Variants in TTLL10 observed in about 807,000 individuals in gnomAD.
TTLL10 encodes inactive polyglycylase TTLL10.
TTLL10 carries 61 observed loss-of-function variants against 69.0 expected under a neutral mutation model. That is an observed-to-expected ratio of 0.88 (90% CI 0.72 to 1.09). The LOEUF is 1.09. Ranked by LOEUF, TTLL10 falls within the 50% of genes least tolerant of loss-of-function variation. TTLL10 has a pLI of 0.00. For synonymous variants in TTLL10, 408 were observed against 393.3 expected, an observed-to-expected ratio of 1.04 and a Z score of -0.44; for missense variants, 962 against 945.9, an observed-to-expected ratio of 1.02 and a Z score of -0.22.
intron 13 of TTLL10, among the ~76,000 whole-genome samples, chr1:1,188,208 A>C (rs1647485414): frequency 6.6e-6 from 1 of 152,144 alleles, no homozygotes; most frequent in Non-Finnish European, 1.5e-5. Context: ...ATTAGTGTAT[A>C]TGTCTGTCTT....
Position 1,197,844 on chromosome 1 carries a change from C to T in TTLL10, c.2019C>T (p.Pro673=). 3 of 1,476,572 alleles carry T rather than the reference C, an allele frequency of 2.0e-6. No individual in the cohort carries two copies. Among genetic ancestry groups the T allele is most frequent in the Non-Finnish European group, 2.7e-6 (3 of 1,112,296 alleles). The allele number at this position is 1,476,572 out of a possible 1,614,324, so 91.5% of individuals were successfully genotyped here. The change falls in exon 16 of 16, where the codon CCC becomes CCT. Residue 673 remains proline (P), a synonymous_variant. Coordinates refer to ENST00000379289, the MANE Select transcript of TTLL10 (RefSeq NM_001130045.2). ...GCGAGGAGCCTGAGAACGCGAGGCC[C>T]TAGGGGCAGCCACCCGCGCCCAGCG... The part of the protein sequence containing the change: ...EEREEPENAR[P]
intron 13 of TTLL10, among the ~76,000 whole-genome samples, chr1:1,195,408 T>C (rs1038592656): frequency 6.6e-6 from 1 of 152,146 alleles, no homozygotes. Flanking sequence ...TTTGTTCTAC[T>C]TTTCAACTTC....
intron 13 of TTLL10, among the ~76,000 whole-genome samples, chr1:1,186,040 T>TAA (rs1454276740): frequency 6.6e-6 from 1 of 152,084 alleles, no homozygotes; most frequent in East Asian, 1.9e-4. Context: ...TCCTTTCTCT[T>TAA]ACCGTGGTGT....
rs760199055 is a variant in TTLL10 at position 1,184,005 on chromosome 1, ATCT to A, written c.1179_1181del (p.Phe394del). 8 of 1,614,052 alleles carry A rather than the reference ATCT, an allele frequency of 5.0e-6. No homozygotes were observed. Among genetic ancestry groups the A allele is most frequent in the South Asian group, 1.1e-5 (1 of 91,080 alleles). ...CATTGCCTGCACCACACCCTACATG[ATCT>A]TCTTTGGCCACGGCTATGCTCGCCT... On this transcript the variant is annotated inframe_deletion, in exon 12 of 16. Coordinates refer to ENST00000379289, the MANE Select transcript of TTLL10 (RefSeq NM_001130045.2).
chr1:1,197,054 G>A, intron 14 of TTLL10, 39 bp from the exon 15 acceptor site: 1 of 1,543,894 alleles, frequency 6.5e-7, no homozygotes, highest in Non-Finnish European at 8.8e-7. Context: ...TGGCCCAGTG[G>A]GCTCGGGGTG....
In TTLL10 at chr1:1,179,754, G is replaced by A. The variant is rs1461321220; in HGVS notation, c.199+17G>A. On this transcript the variant is annotated intron_variant, in intron 5 of 15. Coordinates refer to ENST00000379289, the MANE Select transcript of TTLL10 (RefSeq NM_001130045.2). ...GCCCTGTTGGTGAGGAGGGTCGGAG[G>A]GGCGACCTCCCTGCCCCCTGCTCCA... The A allele has an allele frequency of 6.5e-7, 1 of 1,541,730 alleles. No homozygotes were observed.
intron 13 of TTLL10, among the ~76,000 whole-genome samples, chr1:1,188,846 T>G (rs1647539050): frequency 6.6e-6 from 1 of 152,272 alleles, no homozygotes; most frequent in Non-Finnish European, 1.5e-5. Flanking sequence ...CAGCAATGTT[T>G]TCTAGTTTTC....
rs1646967050 is a variant in TTLL10 at position 1,179,287 on chromosome 1, G to A, written c.72G>A (p.Arg24=). The A allele has an allele frequency of 3.2e-6, 5 of 1,551,314 alleles. No homozygotes were observed. The highest frequency in any genetic ancestry group is 1.2e-5 in the South Asian group (1 of 84,062). Residue 24 remains arginine (R), a synonymous_variant, in exon 4 of 16, where the codon AGG becomes AGA. Transcript: ENST00000379289. ...CTCGGACCCGAGCCGGCTTCAAGAG[G>A]GGCAAGAGGCCAAGGATCCAGCAGA... The part of the protein sequence containing the change: ...PPTRTRAGFK[R]GKRPRIQQRP...
At chr1:1,195,966 G>A (rs960613818) in intron 13 of TTLL10, among the ~76,000 whole-genome samples, 31 of 147,854 alleles carry the variant, frequency 2.1e-4, no homozygotes, top group Non-Finnish European at 4.5e-5. Context: ...AGTAGAGATG[G>A]GGTCTCACCA....
Position 1,182,371 on chromosome 1 carries a change from A to G in TTLL10, c.841A>G (p.Met281Val), listed in dbSNP as rs981660008. ...GYLRPQRVLR[M>V]EEFFPETYRL... ...CTCCCTGCCCTGCAGGGTCCTGAGA[A>G]TGGAAGAGTTTTTCCCAGAGACCTA... The change falls in exon 10 of 16, where the codon ATG becomes GTG. Residue 281 changes from methionine to valine, a missense_variant. Transcript: ENST00000379289. 5 of 1,613,478 alleles carry G rather than the reference A, an allele frequency of 3.1e-6. No individual in the cohort carries two copies. The highest frequency in any genetic ancestry group is 3.4e-6 in the Non-Finnish European group (4 of 1,179,774).
At chr1:1,179,465 C>A in intron 4 of TTLL10, 132 bp downstream of exon 4, 1 of 1,243,648 alleles carries the variant, frequency 8.0e-7, no homozygotes, top group Non-Finnish European at 1.1e-6. Context: ...CCATGCCCCG[C>A]TGCTCCGAGA....
In TTLL10 at chr1:1,179,682, C is replaced by G. The variant is rs1052560726; in HGVS notation, c.144C>G (p.His48Gln). 6.4e-7 allele frequency: 1 copy of G among 1,550,900 alleles called. No homozygotes were observed. Among genetic ancestry groups the G allele is most frequent in the Non-Finnish European group, 8.7e-7 (1 of 1,146,862 alleles). The change falls in exon 5 of 16, where the codon CAC becomes CAG. Residue 48 changes from histidine to glutamine, a missense_variant. By Grantham distance (24) the His-to-Gln change is conservative (BLOSUM62 0). Coordinates refer to ENST00000379289, the MANE Select transcript of TTLL10 (RefSeq NM_001130045.2). ...VSGTIPASRL[H>Q]PAPASQPGPC... ...GGACCATCCCTGCGTCACGTCTGCACCCAGCACCGGCCTCACAGCCCGGCC... is the reference window on the plus strand; with the variant it reads ...GGACCATCCCTGCGTCACGTCTGCAGCCAGCACCGGCCTCACAGCCCGGCC...
chr1:1,179,227 C>G lies in TTLL10; in HGVS notation c.12C>G (p.Ser4Arg). The change falls in exon 4 of 16, where the codon AGC becomes AGG. Residue 4 changes from serine to arginine, a missense_variant. By Grantham distance (110) the Ser-to-Arg change is moderately radical (BLOSUM62 -1). Coordinates refer to ENST00000379289, the MANE Select transcript of TTLL10 (RefSeq NM_001130045.2). MDH[S>R]CTRFIHRRGP... Reference sequence around the variant, plus strand: ...GCACCCCCCGGCCAATGGACCACAGCTGCACCCGGTTCATCCACCGCCGGG... The same window carrying G: ...GCACCCCCCGGCCAATGGACCACAGGTGCACCCGGTTCATCCACCGCCGGG... The G allele has an allele frequency of 1.9e-6, 3 of 1,546,608 alleles. No homozygotes were observed. Among genetic ancestry groups the G allele is most frequent in the Non-Finnish European group, 2.6e-6 (3 of 1,144,626 alleles).
At chr1:1,194,550 A>C (rs1192385031) in intron 13 of TTLL10, among the ~76,000 whole-genome samples, 2 of 152,134 alleles carry the variant, frequency 1.3e-5, no homozygotes, top group Non-Finnish European at 2.9e-5. Flanking sequence ...GGAATGTCTT[A>C]ATCTCCCCTT....
intron 3 of TTLL10, among the ~76,000 whole-genome samples, chr1:1,177,463 C>T (rs772060323): frequency 1.3e-4 from 20 of 152,236 alleles, no homozygotes; most frequent in Non-Finnish European, 2.4e-4. Context: ...AGGCGCCCAA[C>T]ACCATGCCCG....
At chr1:1,196,848 G>C in intron 14 of TTLL10, 132 bp downstream of exon 14, 2 of 783,698 alleles carry the variant, frequency 2.6e-6, no homozygotes, top group South Asian at 1.6e-5. Flanking sequence ...ATGCAGCCCT[G>C]GGGATGGGTG....
intron 13 of TTLL10, among the ~76,000 whole-genome samples, chr1:1,187,456 C>T (rs1647427255): frequency 6.6e-6 from 1 of 151,820 alleles, no homozygotes; most frequent in African/African-American, 2.4e-5. Flanking sequence ...ATGGTGAAAC[C>T]CCATCTCTAC....
intron 3 of TTLL10, among the ~76,000 whole-genome samples, chr1:1,176,662 C>G (rs1646880158): frequency 6.6e-6 from 1 of 152,164 alleles, no homozygotes; most frequent in Non-Finnish European, 1.5e-5. Flanking sequence ...CGGTGGGCAC[C>G]CAGGGCTGGC....
intron 3 of TTLL10, 58 bp from the exon 4 acceptor site, chr1:1,179,131 G>A (rs1470197823): frequency 1.7e-6 from 2 of 1,210,130 alleles, no homozygotes; most frequent in Non-Finnish European, 2.3e-6. Flanking sequence ...TCCAAGCACT[G>A]GGGCCTCGGG....
Sources: allele counts gnomAD v4.1 joint callset (sites outside exome capture counted in the v4.1 genomes callset), GRCh38; gene constraint gnomAD v4.1.1; transcripts MANE v1.5; gene names NCBI Gene and HGNC (gene_info 2026-07-23, HGNC 2026-07-21).